Variants in LRP4 observed in about 807,000 individuals in gnomAD.
LRP4 encodes the protein low-density lipoprotein receptor-related protein 4.
In LRP4, 95 loss-of-function variants were observed where a neutral mutation model predicts 220.3. That is an observed-to-expected ratio of 0.43 (90% CI 0.37 to 0.51). LRP4 has a LOEUF of 0.51. Among genes scored for constraint, LRP4 ranks in the 20% least tolerant of loss-of-function variants. The pLI is 0.00. For synonymous variants in LRP4, 903 were observed against 954.6 expected (o/e 0.95, Z 1.00); for missense variants, 1,925 against 2,567.0 (o/e 0.75, Z 5.40).
At chr11:46,878,751 C>G (rs1941077992) in intron 22 of LRP4, among the ~76,000 whole-genome samples, 156 bp downstream of exon 22, 1 of 152,204 alleles carries the variant, frequency 6.6e-6, no homozygotes, top group Non-Finnish European at 1.5e-5. Flanking sequence ...CAGGCCCGTC[C>G]CCTTTTCTAA....
intron 37 of LRP4, among the ~76,000 whole-genome samples, chr11:46,859,802 A>G (rs1478515537): frequency 6.6e-6 from 1 of 152,224 alleles, no homozygotes; most frequent in Non-Finnish European, 1.5e-5. Flanking sequence ...GCTGATATAA[A>G]TCATCAAAAG....
At position 46,895,196 on chromosome 11, in the gene LRP4, G is replaced by A. The variant is rs770749728; in HGVS notation, c.1279C>T (p.Arg427Trp). 5 of 1,614,046 alleles carry A rather than the reference G, an allele frequency of 3.1e-6. No homozygotes were observed. The highest frequency in any genetic ancestry group is 4.2e-6 in the Non-Finnish European group (5 of 1,180,034). The part of the protein sequence containing the change: ...QCWCETGYEL[R>W]PDRRSCKALG... ...GCCTTGCAGCTGCGCCGGTCGGGCC[G>A]TAGTTCATAGCCTGTTTCACACCAG... Residue 427 changes from arginine to tryptophan, a missense_variant, in exon 11 of 38, where the codon CGG becomes TGG. Physicochemically the swap from Arg to Trp is moderately radical, Grantham distance 101. Around this residue, in one of 3 missense-constraint regions of LRP4, gnomAD observed 269 missense variants for 436.7 expected, o/e 0.62. Transcript: ENST00000378623.
chr11:46,875,023 G>A lies in LRP4; in HGVS notation c.4006C>T (p.Pro1336Ser), dbSNP rs1940970190. The A allele has an allele frequency of 6.2e-7, 1 of 1,613,994 alleles. No homozygotes were observed. Among genetic ancestry groups the A allele is most frequent in the African/African-American group, 1.3e-5 (1 of 74,932 alleles). The change falls in exon 28 of 38, where the codon CCC becomes TCC. Residue 1336 changes from proline to serine, a missense_variant. Physicochemically the swap from Pro to Ser is moderately conservative, Grantham distance 74. This residue lies in a region of LRP4 where 1,244 missense variants were observed against 1,624.9 expected (regional missense o/e 0.77). Coordinates refer to ENST00000378623, the MANE Select transcript of LRP4 (RefSeq NM_002334.4). This position sits in a 1 kb window ranked among gnomAD's most constrained non-coding sequence, Gnocchi z 4.5. Reference protein sequence around the residue: ...PRPSGFSCACPTGIQLKGDGK... With the variant: ...PRPSGFSCACSTGIQLKGDGK... ...TCTCCCTTCAGCTGGATGCCAGTGG[G>A]GCAGGCACAGGAGAAGCCAGAAGGC...
intron 13 of LRP4, among the ~76,000 whole-genome samples, chr11:46,892,569 C>CTT (rs11292441): frequency 1.6e-5 from 2 of 123,696 alleles, no homozygotes; most frequent in Non-Finnish European, 1.7e-5. Context: ...TAACATCATA[C>CTT]TTTTTTTTTT....
In LRP4 at chr11:46,895,274, C is replaced by G. The variant is rs939714045; in HGVS notation, c.1201G>C (p.Glu401Gln). Reference sequence around the variant, plus strand: ...CAGCCCTGGCTGCAATACCCCTCCTCGGCACATTCATTCACATCTGGGAAC... The same window carrying G: ...CAGCCCTGGCTGCAATACCCCTCCTGGGCACATTCATTCACATCTGGGAAC... The part of the protein sequence containing the change: ...HTCQDVNECA[E>Q]EGYCSQGCTN... The change falls in exon 11 of 38, where the codon GAG (glutamate) becomes CAG (glutamine). Residue 401 changes from glutamate (E) to glutamine (Q), a missense_variant. By Grantham distance (29) the Glu-to-Gln change is conservative. This residue lies in a region of LRP4 where 269 missense variants were observed against 436.7 expected (regional missense o/e 0.62). Coordinates refer to ENST00000378623, the MANE Select transcript of LRP4 (RefSeq NM_002334.4). 1 of 1,613,426 alleles carries G rather than the reference C, an allele frequency of 6.2e-7. No individual in the cohort carries two copies.
Position 46,859,132 on chromosome 11 carries a change from G to C in LRP4, c.5569C>G (p.Leu1857Val). The C allele has an allele frequency of 1.2e-6, 2 of 1,614,160 alleles. No individual in the cohort carries two copies. The highest frequency in any genetic ancestry group is 1.7e-6 in the Non-Finnish European group (2 of 1,180,026). The change falls in exon 38 of 38, where the codon CTG becomes GTG. Residue 1857 changes from leucine (L) to valine (V), a missense_variant. Physicochemically the swap from Leu to Val is conservative, Grantham distance 32. Coordinates refer to ENST00000378623, the MANE Select transcript of LRP4 (RefSeq NM_002334.4). ...TVSIQASSGSLDDTETEQLLQ... is the reference protein window; with the variant it reads ...TVSIQASSGSVDDTETEQLLQ... The stretch of plus-strand genomic sequence containing the variant: ...AGCTGCTCCGTCTCTGTGTCATCCA[G>C]GGAGCCAGAGCTGGCCTGGATGGAC...
chr11:46,876,054 T>C (rs1941006729), intron 25 of LRP4, 88 bp from the exon 26 acceptor site: 3 of 1,449,378 alleles, frequency 2.1e-6, no homozygotes, highest in Non-Finnish European at 2.9e-6. Context: ...TCAGATACAC[T>C]TGAGTACTTA....
At position 46,899,480 on chromosome 11, in the gene LRP4, C is replaced by T; in HGVS notation, c.454G>A (p.Glu152Lys). The T allele has an allele frequency of 6.2e-7, 1 of 1,613,912 alleles. No individual in the cohort carries two copies. Among genetic ancestry groups the T allele is most frequent in the Non-Finnish European group, 8.5e-7 (1 of 1,179,948 alleles). ...QCDMRKCSDK[E>K]FRCSDGSCIA... ...CAGCTTCCGTCACTACAGCGGAACTCCTTGTCGGAGCACTTGCGCATGTCT... is the reference window on the plus strand; with the variant it reads ...CAGCTTCCGTCACTACAGCGGAACTTCTTGTCGGAGCACTTGCGCATGTCT... The change falls in exon 5 of 38, where the codon GAG becomes AAG. Residue 152 changes from glutamate (E) to lysine (K), a missense_variant. This residue lies in a region of LRP4 where 412 missense variants were observed against 505.4 expected (regional missense o/e 0.82). Coordinates refer to ENST00000378623, the MANE Select transcript of LRP4 (RefSeq NM_002334.4). This position sits in a 1 kb window ranked among gnomAD's most constrained non-coding sequence, Gnocchi z 5.9.
At chr11:46,896,039 T>C in intron 9 of LRP4, 21 bp from the exon 10 acceptor site, 2 of 1,613,934 alleles carry the variant, frequency 1.2e-6, no homozygotes, top group South Asian at 1.1e-5. Context: ...CAAGCCAGAG[T>C]TGGGAGTTGA....
chr11:46,878,771 G>T, intron 22 of LRP4, 136 bp downstream of exon 22: 1 of 1,315,620 alleles, frequency 7.6e-7, no homozygotes. Context: ...AAAGCCGTGA[G>T]TCTCTCCCCT....
chr11:46,915,120 A>G (rs566136926), intron 1 of LRP4, among the ~76,000 whole-genome samples: 62 of 152,316 alleles, frequency 4.1e-4, no homozygotes, highest in African/African-American at 1.4e-3. Flanking sequence ...ACAGAAGAGG[A>G]AATCCAAAAT....
In LRP4 at chr11:46,858,838, T is replaced by C; in HGVS notation, c.*145A>G. The C allele has an allele frequency of 1.3e-6, 1 of 779,082 alleles. No individual in the cohort carries two copies. The allele number at this position is 779,082 out of a possible 1,614,324, so 48.3% of individuals were successfully genotyped here. A position where few individuals can be genotyped will look rare whatever the true frequency, so the allele number is the denominator to read the frequency against. ...GTTATGGACTCACGTGGTAAACAGCTCCGGTGAAGGCTTAGGAACAGTTAT... is the reference window on the plus strand; with the variant it reads ...GTTATGGACTCACGTGGTAAACAGCCCCGGTGAAGGCTTAGGAACAGTTAT... On this transcript the variant is annotated 3_prime_UTR_variant, in exon 38 of 38. Transcript: ENST00000378623.
At chr11:46,913,888 T>C (rs1440988134) in intron 1 of LRP4, among the ~76,000 whole-genome samples, 1 of 152,094 alleles carries the variant, frequency 6.6e-6, no homozygotes, top group Non-Finnish European at 1.5e-5. Flanking sequence ...TTCGGTTCTA[T>C]CACGTTTTCA....
chr11:46,858,731 G>T lies in LRP4; in HGVS notation c.*252C>A. On this transcript the variant is annotated 3_prime_UTR_variant, in exon 38 of 38. Transcript: ENST00000378623. ...CGAATAAGCAGTTTCAGGGGGCCCA[G>T]GATGGAGTACAAGATGTGAGGTTCA... The T allele has an allele frequency of 1.9e-6, 1 of 540,388 alleles. No individual in the cohort carries two copies. Among genetic ancestry groups the T allele is most frequent in the Non-Finnish European group, 3.4e-6 (1 of 295,716 alleles). The allele number at this position is 540,388 out of a possible 1,614,324, so 33.5% of individuals were successfully genotyped here.
chr11:46,896,144 T>C (rs776188127), intron 9 of LRP4, 66 bp downstream of exon 9: 6 of 1,610,882 alleles, frequency 3.7e-6, no homozygotes, highest in Non-Finnish European at 5.1e-6. Context: ...GAGGATTCCC[T>C]TTGAACCCTA....
At chr11:46,881,962 A>C in intron 19 of LRP4, 59 bp from the exon 20 acceptor site, 5 of 1,536,694 alleles carry the variant, frequency 3.3e-6, no homozygotes, top group Non-Finnish European at 4.5e-6. Flanking sequence ...GCAGGGACTC[A>C]GAGTACCTAG....
chr11:46,916,136 T>G (rs1285037904), intron 1 of LRP4, among the ~76,000 whole-genome samples: 2 of 152,092 alleles, frequency 1.3e-5, no homozygotes, highest in Admixed American at 6.5e-5. Flanking sequence ...TATTAAACTT[T>G]TTTCCTTAAA....
chr11:46,881,812 G>A lies in LRP4; in HGVS notation c.2704C>T (p.Leu902=). 6.2e-7 allele frequency: 1 copy of A among 1,614,196 alleles called. No individual in the cohort carries two copies. The highest frequency in any genetic ancestry group is 1.1e-5 in the South Asian group (1 of 91,054). The change falls in exon 20 of 38, where the codon CTG becomes TTG. Residue 902 remains leucine, a synonymous_variant. Coordinates refer to ENST00000378623, the MANE Select transcript of LRP4 (RefSeq NM_002334.4). The part of the protein sequence containing the change: ...SGRQVIISSN[L]TWPNGLAIDY... ...ATAGCTAACCCATTAGGCCAGGTCA[G>A]ATTAGAAGAGATAATGACTTGGCGG...
rs78258149 is a variant in LRP4, at chr11:46,902,544, G to A, written c.199+239C>T. On this transcript the variant is annotated intron_variant, in intron 2 of 37. Transcript: ENST00000378623. The stretch of plus-strand genomic sequence containing the variant: ...AACTCCCTGTTGTGTTCTCTTACAC[G>A]TGTTGTCAAGTTTGTTTTCTTGGAC... Among the ~76,000 whole-genome samples the A allele has an allele frequency of 0.046, 7,009 of 152,138 alleles. 531 individuals are homozygous for A. Among genetic ancestry groups the A allele is most frequent in the African/African-American group, 0.16 (6,617 of 41,482 alleles).
Sources: gnomAD v4.1 joint callset for allele counts (sites outside exome capture counted in the v4.1 genomes callset) on GRCh38, gnomAD v4.1.1 for gene constraint, gnomAD v4.1.1 regional missense constraint, Gnocchi (gnomAD v3.1) non-coding constraint, MANE v1.5 for transcripts, NCBI Gene and HGNC (gene_info 2026-07-23, HGNC 2026-07-21) for gene names.